Variants in CALCR observed in about 807,000 individuals in gnomAD.
The protein encoded by CALCR is calcitonin receptor.
Under a neutral mutation model 59.5 loss-of-function variants are expected in CALCR, and 47 were observed. The ratio of observed to expected loss-of-function variants is 0.79; its 90% confidence interval spans 0.63 to 1.01. The LOEUF (loss-of-function observed/expected upper bound fraction) is 1.01, where lower values mean the gene tolerates loss of function less well. Among genes scored for constraint, CALCR ranks in the 50% least tolerant of loss-of-function variants. The probability of loss-of-function intolerance (pLI) is 0.00; values close to 1 mark genes in which losing one functional copy is unlikely to be tolerated. For missense variants in CALCR, 566 were observed against 597.1 expected, an observed-to-expected ratio of 0.95 and a Z score of 0.54; for synonymous variants, 213 against 211.3, an observed-to-expected ratio of 1.01 and a Z score of -0.07.
intron 8 of CALCR, among the ~76,000 whole-genome samples, chr7:93,452,729 A>G (rs527796418): frequency 6.7e-4 from 102 of 152,130 alleles, no homozygotes; most frequent in African/African-American, 2.4e-3. Flanking sequence ...TAAATACAGC[A>G]GGAGATGATC....
intron 2 of CALCR, among the ~76,000 whole-genome samples, chr7:93,495,483 G>T (rs1801180449): frequency 6.6e-6 from 1 of 151,288 alleles, no homozygotes; most frequent in South Asian, 2.1e-4. Context: ...AGGAAGCATT[G>T]TTCTTTACTT....
In CALCR at chr7:93,435,264, A is replaced by G. The variant is rs931227907; in HGVS notation, c.1149+688T>C. ...ACATTCACCTGACAAATGGAGAGTG[A>G]TAGAGCAGGAGGCATGGACAGCCTT... On this transcript the variant is annotated intron_variant, in intron 12 of 13. Transcript: ENST00000426151. Among the ~76,000 whole-genome samples, 4 of 152,182 alleles carry G rather than the reference A, an allele frequency of 2.6e-5. No homozygotes were observed. In the East Asian group the frequency reaches 7.7e-4, roughly 29 times the overall value.
chr7:93,558,516 A>G (rs1789662953), intron 2 of CALCR, among the ~76,000 whole-genome samples: 1 of 152,150 alleles, frequency 6.6e-6, no homozygotes, highest in African/African-American at 2.4e-5. Flanking sequence ...TTTCTCAAAG[A>G]ATCAGTAGAG....
chr7:93,547,196 T>C (rs1789312964), intron 2 of CALCR, among the ~76,000 whole-genome samples: 1 of 152,124 alleles, frequency 6.6e-6, no homozygotes. Context: ...AGAGTGCATA[T>C]TTTAGCTGGT....
At chr7:93,537,687 A>G (rs960102346) in intron 2 of CALCR, among the ~76,000 whole-genome samples, 5 of 151,648 alleles carry the variant, frequency 3.3e-5, no homozygotes, top group Non-Finnish European at 4.4e-5. Context: ...CAAACTTCCT[A>G]TCCTTGTTTT....
intron 8 of CALCR, among the ~76,000 whole-genome samples, chr7:93,450,178 C>T (rs1490106976): frequency 1.3e-5 from 2 of 152,000 alleles, no homozygotes; most frequent in African/African-American, 4.8e-5. Flanking sequence ...TAAACAACTT[C>T]CAAATGTCAA....
chr7:93,564,934 T>C (rs1328629811), intron 2 of CALCR, among the ~76,000 whole-genome samples: 1 of 152,180 alleles, frequency 6.6e-6, no homozygotes, highest in Non-Finnish European at 1.5e-5. Context: ...GAAGGCTGGC[T>C]TCTAGAATAA....
At chr7:93,449,227 A>T (rs1342993797) in intron 8 of CALCR, among the ~76,000 whole-genome samples, 1 of 152,000 alleles carries the variant, frequency 6.6e-6, no homozygotes, top group African/African-American at 2.4e-5. Context: ...ATGTTTTCTT[A>T]TCAGTTTGCT....
chr7:93,441,496 A>C (rs761480371), intron 9 of CALCR: 1 of 455,664 alleles, frequency 2.2e-6, no homozygotes, highest in Non-Finnish European at 4.4e-6. Context: ...GAGGGTGTAC[A>C]TACGGATGAG....
At chr7:93,506,187 C>A (rs1390522921) in intron 2 of CALCR, among the ~76,000 whole-genome samples, 1 of 152,068 alleles carries the variant, frequency 6.6e-6, no homozygotes, top group Non-Finnish European at 1.5e-5. Flanking sequence ...GATGACGAAC[C>A]CCAGTTATTT....
intron 8 of CALCR, among the ~76,000 whole-genome samples, chr7:93,454,627 AT>A (rs986224995): frequency 3.3e-5 from 5 of 151,900 alleles, no homozygotes; most frequent in African/African-American, 9.7e-5. Context: ...AAAAAAAAAA[AT>A]AACATTTCAG....
At chr7:93,517,467 A>G (rs1801674504) in intron 2 of CALCR, among the ~76,000 whole-genome samples, 1 of 151,884 alleles carries the variant, frequency 6.6e-6, no homozygotes, top group Non-Finnish European at 1.5e-5. Flanking sequence ...TTGTTTCCAT[A>G]AATTATTACT....
chr7:93,445,401 A>G (rs1799989394), intron 8 of CALCR, among the ~76,000 whole-genome samples: 1 of 152,084 alleles, frequency 6.6e-6, no homozygotes, highest in Admixed American at 6.6e-5. Context: ...AATTAAGCAT[A>G]TGTTTTGGAG....
chr7:93,520,177 A>T (rs73711694), intron 2 of CALCR, among the ~76,000 whole-genome samples: 3,226 of 152,128 alleles, frequency 0.021, 135 homozygotes, highest in African/African-American at 0.073. Context: ...AAAGATGGAA[A>T]ATAGCTGGTA....
chr7:93,508,439 A>C (rs1801475874), intron 2 of CALCR, among the ~76,000 whole-genome samples: 1 of 152,218 alleles, frequency 6.6e-6, no homozygotes, highest in Admixed American at 6.5e-5. Flanking sequence ...AACAAAATTC[A>C]ATCAAACTAT....
chr7:93,564,256 G>T (rs1366357877), intron 2 of CALCR, among the ~76,000 whole-genome samples: 1 of 152,108 alleles, frequency 6.6e-6, no homozygotes, highest in Non-Finnish European at 1.5e-5. Flanking sequence ...TGTGTGGGGG[G>T]GGACAGAGTG....
At chr7:93,477,953 C>G (rs1800702365) in intron 4 of CALCR, among the ~76,000 whole-genome samples, 1 of 96,928 alleles carries the variant, frequency 1.0e-5, no homozygotes, top group Non-Finnish European at 1.9e-5. Flanking sequence ...GACTGCAAGA[C>G]CCTCTCTCAA....
At chr7:93,506,140 T>G (rs1002193337) in intron 2 of CALCR, among the ~76,000 whole-genome samples, 1 of 152,190 alleles carries the variant, frequency 6.6e-6, no homozygotes, top group Non-Finnish European at 1.5e-5. Context: ...AAACTCACTC[T>G]CTGTGTGTGT....
intron 7 of CALCR, among the ~76,000 whole-genome samples, chr7:93,465,145 G>C (rs952954339): frequency 6.6e-6 from 1 of 151,928 alleles, no homozygotes; most frequent in Non-Finnish European, 1.5e-5. Context: ...AAATGCTAAT[G>C]AATGGTCTGT....
Sources: gnomAD v4.1 joint callset for allele counts (sites outside exome capture counted in the v4.1 genomes callset) on GRCh38, gnomAD v4.1.1 for gene constraint, MANE v1.5 for transcripts, NCBI Gene and HGNC (gene_info 2026-07-23, HGNC 2026-07-21) for gene names.